The following CHL1 variants were observed in gnomAD, a reference collection of about 807,000 sequenced individuals.
The protein encoded by CHL1 is cell adhesion molecule L1 like.
CHL1 carries 96 observed loss-of-function variants against 141.9 expected under a neutral mutation model. That is an observed-to-expected ratio of 0.68 (90% CI 0.57 to 0.80). The LOEUF is 0.80. Ranked by LOEUF, CHL1 falls within the 30% of genes least tolerant of loss-of-function variation. The pLI is 0.00. For synonymous variants in CHL1, 613 were observed against 502.2 expected, an observed-to-expected ratio of 1.22 and a Z score of -2.95; for missense variants, 1,820 against 1,457.2, an observed-to-expected ratio of 1.25 and a Z score of -4.05.
intron 13 of CHL1, 152 bp downstream of exon 13, chr3:361,962 G>T (rs977762498): frequency 1.7e-6 from 1 of 574,424 alleles, no homozygotes; most frequent in Non-Finnish European, 3.1e-6. Flanking sequence ...ACCGGTCCAG[G>T]AAATTAGCTC....
chr3:310,645 A>G (rs1334556351), intron 2 of CHL1, among the ~76,000 whole-genome samples: 1 of 152,180 alleles, frequency 6.6e-6, no homozygotes, highest in Non-Finnish European at 1.5e-5. Context: ...AATTTCTCTC[A>G]TACTACCGGT....
In CHL1 at chr3:391,140, A is replaced by G. The variant is rs1209164586; in HGVS notation, c.2772A>G (p.Ile924Met). 1 of 1,611,944 alleles carries G rather than the reference A, an allele frequency of 6.2e-7. No individual in the cohort carries two copies. Among genetic ancestry groups the G allele is most frequent in the South Asian group, 1.1e-5 (1 of 91,034 alleles). Residue 924 changes from isoleucine (I) to methionine (M), a missense_variant, in exon 22 of 28, where the codon ATA becomes ATG. Transcript: ENST00000256509. Reference protein sequence around the residue: ...KGAGPESEPYIFQTPEGVPEQ... With the variant: ...KGAGPESEPYMFQTPEGVPEQ... ...CTGGTCCTGAAAGTGAGCCTTATAT[A>G]TTTCAAACACCAGAAGGAGGTGAGA... is the stretch of plus-strand genomic sequence containing the variant.
chr3:268,325 C>A (rs940738421), intron 2 of CHL1, among the ~76,000 whole-genome samples: 1 of 151,926 alleles, frequency 6.6e-6, no homozygotes, highest in African/African-American at 2.4e-5. Context: ...TTTGAGGTCA[C>A]GAGTTTGAGA....
At chr3:337,340 G>A (rs535858599) in intron 5 of CHL1, among the ~76,000 whole-genome samples, 81 of 148,780 alleles carry the variant, frequency 5.4e-4, no homozygotes, top group African/African-American at 1.4e-3. Flanking sequence ...ACAGGCGCCC[G>A]CCACCACGCC....
At chr3:310,539 T>C (rs775628141) in intron 2 of CHL1, among the ~76,000 whole-genome samples, 6 of 152,250 alleles carry the variant, frequency 3.9e-5, no homozygotes, top group Non-Finnish European at 8.8e-5. Context: ...TATATTATTA[T>C]TGCTTCCTCT....
intron 18 of CHL1, among the ~76,000 whole-genome samples, chr3:382,890 G>GA (rs905835963): frequency 1.1e-4 from 17 of 150,090 alleles, no homozygotes; most frequent in South Asian, 4.2e-4. Context: ...AGTGACATAT[G>GA]AAAAAAAAAC....
chr3:230,502 CT>C (rs551069917), intron 1 of CHL1, among the ~76,000 whole-genome samples: 1,823 of 144,924 alleles, frequency 0.013, 25 homozygotes, highest in African/African-American at 0.035. Flanking sequence ...AAGTATAAAC[CT>C]TTTTTTTTTT....
At position 370,419 on chromosome 3, in the gene CHL1, A is replaced by G. The variant is rs1559322297; in HGVS notation, c.1751+4304A>G. ...ATAGTATTCTTTGATGGTAGTTTGC[A>G]TTTCTGTGGGGTCAGTGGTGATGTC... On this transcript the variant is annotated intron_variant, in intron 15 of 27. Transcript: ENST00000256509. Among the ~76,000 whole-genome samples the G allele has an allele frequency of 3.3e-5, 5 of 151,144 alleles. No homozygotes were observed. In the South Asian group the frequency reaches 8.3e-4, roughly 25 times the overall value.
At chr3:198,412 A>C (rs1427480407) in intron 1 of CHL1, among the ~76,000 whole-genome samples, 1 of 151,894 alleles carries the variant, frequency 6.6e-6, no homozygotes, top group Non-Finnish European at 1.5e-5. Context: ...GGCGATGGTA[A>C]CTGGTGGGCC....
intron 5 of CHL1, among the ~76,000 whole-genome samples, chr3:340,032 A>C (rs575518741): frequency 2.6e-5 from 4 of 152,312 alleles, no homozygotes; most frequent in Admixed American, 6.5e-5. Context: ...ATCCTTATAA[A>C]TATCAATACT....
At chr3:302,811 C>A (rs1698874240) in intron 2 of CHL1, among the ~76,000 whole-genome samples, 1 of 152,278 alleles carries the variant, frequency 6.6e-6, no homozygotes, top group South Asian at 2.1e-4. Flanking sequence ...GACATGAATT[C>A]TTTGCCCATA....
chr3:351,881 A>G (rs1044528903), intron 10 of CHL1, among the ~76,000 whole-genome samples: 1 of 152,160 alleles, frequency 6.6e-6, no homozygotes, highest in African/African-American at 2.4e-5. Context: ...TATTCTAAAT[A>G]TCTAAGATAT....
At chr3:404,812 G>A (rs540471725) in intron 27 of CHL1, among the ~76,000 whole-genome samples, 4 of 152,168 alleles carry the variant, frequency 2.6e-5, no homozygotes, top group Non-Finnish European at 4.4e-5. Flanking sequence ...TTTGTTCTCT[G>A]TCTGAGTCCA....
chr3:302,702 A>G lies in CHL1; in HGVS notation c.-94-16981A>G, dbSNP rs60666096. Among the ~76,000 whole-genome samples the G allele has an allele frequency of 4.6e-3, 695 of 152,200 alleles. 11 individuals are homozygous for G. The highest frequency in any genetic ancestry group is 0.016 in the African/African-American group (663 of 41,512). On this transcript the variant is annotated intron_variant, in intron 2 of 27. Transcript: ENST00000256509. ...CTCCCAATCTGTAGGTTGCCTGTTC[A>G]CTCTGATGATAGTTTCTTTTGCTGT...
intron 15 of CHL1, 137 bp from the exon 16 acceptor site, chr3:377,679 CTA>C (rs1160506067): frequency 2.8e-5 from 19 of 668,288 alleles, no homozygotes; most frequent in African/African-American, 2.4e-4. Context: ...GTGGCATTCT[CTA>C]ATCAAATTTG....
At chr3:240,543 G>C (rs1288096405) in intron 1 of CHL1, among the ~76,000 whole-genome samples, 1 of 152,186 alleles carries the variant, frequency 6.6e-6, no homozygotes, top group Non-Finnish European at 1.5e-5. Flanking sequence ...CTCCCACTCT[G>C]TGGGTTGTCT....
Position 408,622 on chromosome 3 carries a change from A to G in CHL1, c.*2911A>G, listed in dbSNP as rs748457298. On this transcript the variant is annotated 3_prime_UTR_variant, in exon 28 of 28. Transcript: ENST00000256509. ...GAAAGTCACCCCCACATACCAACTC[A>G]ACTTTTTTCCTGTGAACACATAAAT... The G allele has an allele frequency of 7.2e-5, 11 of 152,090 alleles. No individual in the cohort carries two copies. The highest frequency in any genetic ancestry group is 1.3e-4 in the Non-Finnish European group (9 of 68,002). 9.4% of individuals were successfully genotyped at this position (152,090 alleles called of 1,614,324 possible).
rs1335135936 is a variant in CHL1, at chr3:374,296, T to C, written c.1752-3522T>C. Among the ~76,000 whole-genome samples, 3 of 152,080 alleles carry C rather than the reference T, an allele frequency of 2.0e-5. No homozygotes were observed. The South Asian group carries it at 6.2e-4, about 31-fold the overall frequency. The stretch of plus-strand genomic sequence containing the variant: ...TCATTGAAACACGAGATTAATTATA[T>C]ACCTCTAAAGGCTACGCTTTGCAAT... On this transcript the variant is annotated intron_variant, in intron 15 of 27. Coordinates refer to ENST00000256509, the MANE Select transcript of CHL1 (RefSeq NM_006614.4).
At chr3:402,755 T>G (rs1709243205) in intron 27 of CHL1, among the ~76,000 whole-genome samples, 1 of 152,098 alleles carries the variant, frequency 6.6e-6, no homozygotes, top group Non-Finnish European at 1.5e-5. Flanking sequence ...TATTTCTTAA[T>G]AAATGACTTT....
Sources: gnomAD v4.1 joint callset for allele counts (sites outside exome capture counted in the v4.1 genomes callset) on GRCh38, gnomAD v4.1.1 for gene constraint, MANE v1.5 for transcripts, NCBI Gene and HGNC (gene_info 2026-07-23, HGNC 2026-07-21) for gene names.